CEP290: variants seen among roughly 807,000 people sequenced by gnomAD.
CEP290 encodes the protein centrosomal protein of 290 kDa.
CEP290 carries 317 observed loss-of-function variants against 344.9 expected under a neutral mutation model. The observed-to-expected ratio is 0.92, with a 90% confidence interval of 0.84 to 1.01. The LOEUF is 1.01. Among genes scored for constraint, CEP290 ranks in the 50% least tolerant of loss-of-function variants. CEP290 has a pLI of 0.00. For synonymous variants in CEP290, 932 were observed against 895.8 expected, an observed-to-expected ratio of 1.04 and a Z score of -0.72; for missense variants, 2,754 against 2,761.4, an observed-to-expected ratio of 1.00 and a Z score of 0.06.
intron 41 of CEP290, among the ~76,000 whole-genome samples, chr12:88,072,729 C>G (rs528460529): frequency 1.3e-5 from 2 of 152,124 alleles, no homozygotes; most frequent in East Asian, 3.9e-4. Flanking sequence ...TTAGTGCTAA[C>G]CATGTGCCAA....
At position 88,055,855 on chromosome 12, in the gene CEP290, A is replaced by G; in HGVS notation, c.6819-138T>C. On this transcript the variant is annotated intron_variant, in intron 49 of 53. Transcript: ENST00000552810. Reference sequence around the variant, plus strand: ...TTCTTCTAGTCAAAGTTTTAGCTACATATTTATTTAGCATTAAAAAGTGGT... The same window carrying G: ...TTCTTCTAGTCAAAGTTTTAGCTACGTATTTATTTAGCATTAAAAAGTGGT... 4 of 642,036 alleles carry G rather than the reference A, an allele frequency of 6.2e-6. No individual in the cohort carries two copies. In the South Asian group the frequency reaches 1.0e-4, roughly 16 times the overall value. 39.8% of individuals were successfully genotyped at this position (642,036 alleles called of 1,614,324 possible). A position where few individuals can be genotyped will look rare whatever the true frequency, so the allele number is the denominator to read the frequency against.
At chr12:88,072,068 G>T in intron 41 of CEP290, 142 bp from the exon 42 acceptor site, 1 of 776,672 alleles carries the variant, frequency 1.3e-6, no homozygotes, top group Non-Finnish European at 1.9e-6. Context: ...TTGCTATACA[G>T]GTTGAGTATC....
chr12:88,084,081 C>T, intron 35 of CEP290, 127 bp from the exon 36 acceptor site: 1 of 634,770 alleles, frequency 1.6e-6, no homozygotes, highest in Middle Eastern at 4.3e-4. Context: ...ACAGTATCTC[C>T]ATATATGTAT....
Position 88,093,849 on chromosome 12 carries a change from T to C in CEP290, c.3230A>G (p.Gln1077Arg), listed in dbSNP as rs200668620. Reference sequence around the variant, plus strand: ...AGTCCGTAAGTGTTCATACATTTTTTGACAATGTTCAGCCCGCTGCCTTTC... The same window carrying C: ...AGTCCGTAAGTGTTCATACATTTTTCGACAATGTTCAGCCCGCTGCCTTTC... ...LNERQRAEHC[Q>R]KMYEHLRTSL... is the part of the protein sequence containing the mutation. The change falls in exon 28 of 54, where the codon CAA (glutamine) becomes CGA (arginine). Residue 1077 changes from glutamine (Q) to arginine (R), a missense_variant. Transcript: ENST00000552810. 116 of 1,612,904 alleles carry C rather than the reference T, an allele frequency of 7.2e-5. No individual in the cohort carries two copies. The highest frequency in any genetic ancestry group is 9.3e-5 in the Non-Finnish European group (110 of 1,179,376).
chr12:88,080,249 G>C lies in CEP290; in HGVS notation c.5159C>G (p.Thr1720Arg), dbSNP rs927020750. The change falls in exon 38 of 54, where the codon ACA becomes AGA. Residue 1720 changes from threonine (T) to arginine (R), a missense_variant. By Grantham distance (71) the Thr-to-Arg change is moderately conservative. Transcript: ENST00000552810. ...TTCTACTAGATTTCTCATTGTAGTTGTTGGAGCTCTTGAATTTGCTTCTTT... is the reference window on the plus strand; with the variant it reads ...TTCTACTAGATTTCTCATTGTAGTTCTTGGAGCTCTTGAATTTGCTTCTTT... Reference protein sequence around the residue: ...AQKEANSRAPTTTMRNLVERL... With the variant: ...AQKEANSRAPRTTMRNLVERL... The C allele has an allele frequency of 6.2e-7, 1 of 1,613,344 alleles. No homozygotes were observed. Among genetic ancestry groups the C allele is most frequent in the Middle Eastern group, 1.6e-4 (1 of 6,062 alleles).
rs947135352 is a variant in CEP290, at chr12:88,062,857, A to G, written c.6271-79T>C. ...AAGAAAAGGCAAACAATTCATAAGA[A>G]CCATCAATCTCTTCAACTGTATTGC... is the stretch of plus-strand genomic sequence containing the variant. On this transcript the variant is annotated intron_variant, in intron 45 of 53. Coordinates refer to ENST00000552810, the MANE Select transcript of CEP290 (RefSeq NM_025114.4). 6.2e-5 allele frequency: 54 copies of G among 865,318 alleles called. 1 individual carries two copies. In the Middle Eastern group the frequency reaches 7.0e-4, roughly 11 times the overall value. 53.6% of individuals were successfully genotyped at this position (865,318 alleles called of 1,614,324 possible).
At chr12:88,110,376 C>A (rs1011256794) in intron 22 of CEP290, among the ~76,000 whole-genome samples, 1 of 151,960 alleles carries the variant, frequency 6.6e-6, no homozygotes, top group Non-Finnish European at 1.5e-5. Context: ...CATTTTATTG[C>A]GTAAAGGGAA....
In CEP290 at chr12:88,111,771, C is replaced by A. The variant is rs1440259390; in HGVS notation, c.2140G>T (p.Glu714Ter). ...QVDQLTGRNE[E>*]LRQELRESRK... ...GATTCCCTGAGCTCCTGTCTTAATTCTTCATTTCTTCCGGTAAGCTGATCA... is the reference window on the plus strand; with the variant it reads ...GATTCCCTGAGCTCCTGTCTTAATTATTCATTTCTTCCGGTAAGCTGATCA... The change falls in exon 21 of 54, where the codon GAA becomes TAA. Residue 714 changes from glutamate (E) to a stop codon, truncating the protein, a stop_gained. Coordinates refer to ENST00000552810, the MANE Select transcript of CEP290 (RefSeq NM_025114.4). LOFTEE classifies it high-confidence loss of function. 1 of 1,605,446 alleles carries A rather than the reference C, an allele frequency of 6.2e-7. No homozygotes were observed. The highest frequency in any genetic ancestry group is 8.5e-7 in the Non-Finnish European group (1 of 1,176,492).
chr12:88,057,766 G>C (rs1161391244), intron 49 of CEP290: 1 of 152,194 alleles, frequency 6.6e-6, no homozygotes, highest in Non-Finnish European at 1.5e-5. Flanking sequence ...GTTGACAGAG[G>C]CAAGTACAGT....
intron 13 of CEP290, among the ~76,000 whole-genome samples, chr12:88,121,559 T>C (rs1432232024): frequency 6.6e-6 from 1 of 151,228 alleles, no homozygotes; most frequent in Non-Finnish European, 1.5e-5. Flanking sequence ...CACAAGCAGC[T>C]ATGTGTGGTC....
intron 31 of CEP290, 105 bp from the exon 32 acceptor site, chr12:88,088,049 T>C (rs906691568): frequency 9.2e-6 from 4 of 435,088 alleles, no homozygotes; most frequent in Non-Finnish European, 1.6e-5. Flanking sequence ...CATTCTAAAA[T>C]AAAATAAGAC....
At chr12:88,141,165 A>T (rs375106788) in intron 2 of CEP290, 41 bp downstream of exon 2, 1 of 1,323,434 alleles carries the variant, frequency 7.6e-7, no homozygotes. Flanking sequence ...AATTAATCAT[A>T]AGTTAATGTA....
At chr12:88,078,091 G>A (rs144610951) in intron 39 of CEP290, among the ~76,000 whole-genome samples, 173 bp from the exon 40 acceptor site, 1 of 148,478 alleles carries the variant, frequency 6.7e-6, no homozygotes, top group African/African-American at 2.5e-5. Flanking sequence ...TTCATGTCAA[G>A]TCTACCTTGA....
In CEP290 at chr12:88,093,775, C is replaced by G. The variant is rs770569475; in HGVS notation, c.3304G>C (p.Ala1102Pro). The G allele has an allele frequency of 1.2e-6, 2 of 1,601,980 alleles. No homozygotes were observed. The highest frequency in any genetic ancestry group is 1.1e-5 in the South Asian group (1 of 89,756). Residue 1102 changes from alanine (A) to proline (P), a missense_variant, in exon 28 of 54, where the codon GCT becomes CCT. Physicochemically the swap from Ala to Pro is conservative, Grantham distance 27. Transcript: ENST00000552810. ...TAAAACTTATAATATCAAACCTCAG[C>G]AAATTTGGTTTCCAATTCAAAATTA... ...ERNFELETKF[A>P]ELTKINLDAQ... is the part of the protein sequence containing the mutation.
At chr12:88,070,859 T>A (rs2035318143) in intron 43 of CEP290, among the ~76,000 whole-genome samples, 1 of 152,074 alleles carries the variant, frequency 6.6e-6, no homozygotes, top group South Asian at 2.1e-4. Context: ...TATGGATCGA[T>A]CCTAATCAGA....
intron 32 of CEP290, among the ~76,000 whole-genome samples, chr12:88,087,177 TTCTTAC>T (rs2036645545): frequency 6.6e-6 from 1 of 152,186 alleles, no homozygotes; most frequent in Non-Finnish European, 1.5e-5. Flanking sequence ...AGAAGCTGAC[TTCTTAC>T]TCTATCAGTG....
chr12:88,128,801 TA>T, intron 11 of CEP290, 144 bp downstream of exon 11: 1 of 496,488 alleles, frequency 2.0e-6, no homozygotes, highest in South Asian at 3.4e-5. Context: ...AGAGCTTTTC[TA>T]ACCAATAAAT....
In CEP290 at chr12:88,102,947, TCAGA is replaced by T. The variant is rs776282740; in HGVS notation, c.2878_2881del (p.Ser960AsnfsTer2). 6.3e-7 allele frequency: 1 copy of T among 1,599,770 alleles called. No homozygotes were observed. The highest frequency in any genetic ancestry group is 8.5e-7 in the Non-Finnish European group (1 of 1,175,138). Reference sequence around the variant, plus strand: ...GTACTGTTTATTAGCCAGTTCTAGTTCAGACAAAGAAACACTATTATCTACAACT... The same window carrying T: ...GTACTGTTTATTAGCCAGTTCTAGTTCAAAGAAACACTATTATCTACAACT... On this transcript the variant is annotated frameshift_variant, in exon 26 of 54. Coordinates refer to ENST00000552810, the MANE Select transcript of CEP290 (RefSeq NM_025114.4). LOFTEE classifies it high-confidence loss of function.
intron 37 of CEP290, among the ~76,000 whole-genome samples, chr12:88,082,607 T>C (rs2036277113): frequency 6.6e-6 from 1 of 151,892 alleles, no homozygotes; most frequent in African/African-American, 2.4e-5. Flanking sequence ...GGTGGGAAGA[T>C]GGTTTGAGCC....
Sources: allele counts gnomAD v4.1 joint callset (sites outside exome capture counted in the v4.1 genomes callset), GRCh38; gene constraint gnomAD v4.1.1; transcripts MANE v1.5; gene names NCBI Gene and HGNC (gene_info 2026-07-23, HGNC 2026-07-21).